Variants in CDH4 observed in about 807,000 individuals in gnomAD.
The protein encoded by CDH4 is cadherin 4.
A neutral mutation model predicts 86.0 loss-of-function variants in CDH4; 33 were observed. The observed-to-expected ratio is 0.38, with a 90% CI of 0.29 to 0.51. The LOEUF (loss-of-function observed/expected upper bound fraction) is 0.51. Ranked by LOEUF, CDH4 falls within the 20% of genes least tolerant of loss-of-function variation. The pLI, the probability that CDH4 is intolerant of heterozygous loss-of-function variation, is 0.86. For missense variants in CDH4, 1,114 were observed against 1,307.4 expected, an observed-to-expected ratio of 0.85 and a Z score of 2.28; for synonymous variants, 555 against 549.4, an observed-to-expected ratio of 1.01 and a Z score of -0.14.
Position 61,933,050 on chromosome 20 carries a change from C to A in CDH4, c.2305C>A (p.Leu769Ile). ...GAAGGAGCGCCACACGAAGCAGCTG[C>A]TCATTGACCCCGAGGACGACGTCCG... Reference protein sequence around the residue: ...REKERHTKQLLIDPEDDVRDN... With the variant: ...REKERHTKQLIIDPEDDVRDN... The change falls in exon 14 of 16, where the codon CTC becomes ATC. Residue 769 changes from leucine (L) to isoleucine (I), a missense_variant. Around this residue, in one of 3 missense-constraint regions of CDH4, gnomAD observed 705 missense variants for 914.1 expected, o/e 0.77. Coordinates refer to ENST00000614565, the MANE Select transcript of CDH4 (RefSeq NM_001794.5). The A allele has an allele frequency of 6.2e-7, 1 of 1,613,342 alleles. No individual in the cohort carries two copies. The highest frequency in any genetic ancestry group is 1.1e-5 in the South Asian group (1 of 91,086).
intron 2 of CDH4, among the ~76,000 whole-genome samples, chr20:61,668,701 C>T (rs2087353978): frequency 6.6e-6 from 1 of 152,232 alleles, no homozygotes; most frequent in Non-Finnish European, 1.5e-5. Flanking sequence ...GCTGTAGGAT[C>T]AAAGCCCAGG....
chr20:61,924,160 G>A (rs1274640229), intron 10 of CDH4, among the ~76,000 whole-genome samples, 174 bp from the exon 11 acceptor site: 2 of 152,206 alleles, frequency 1.3e-5, no homozygotes, highest in Admixed American at 6.5e-5. Flanking sequence ...GGGGGAGGGT[G>A]CCAGTCCAAC....
Position 61,480,867 on chromosome 20 carries a change from G to A in CDH4, c.169+225930G>A, listed in dbSNP as rs1265720544. ...ACTGCAGTTTGTTGGCTGTGCATTA[G>A]GTCTGCTCCTACATGCATTGCCCTC... On this transcript the variant is annotated intron_variant, in intron 2 of 15. Transcript: ENST00000614565. This position sits in a 1 kb window ranked among gnomAD's most constrained non-coding sequence, Gnocchi z 5.2. Among the ~76,000 whole-genome samples the A allele has an allele frequency of 1.3e-5, 2 of 152,216 alleles. No homozygotes were observed. Among genetic ancestry groups the A allele is most frequent in the Non-Finnish European group, 2.9e-5 (2 of 68,032 alleles).
chr20:61,692,820 CTTTTTTGTTTTTTG>C (rs1430125286), intron 2 of CDH4, among the ~76,000 whole-genome samples: 1 of 150,232 alleles, frequency 6.7e-6, no homozygotes, highest in Non-Finnish European at 1.5e-5. Context: ...AGCAAGCAAG[CTTTTTTGTTTTTTG>C]TTTTTTGTTT....
chr20:61,655,873 T>G (rs1303233377), intron 2 of CDH4, among the ~76,000 whole-genome samples: 1 of 152,204 alleles, frequency 6.6e-6, no homozygotes, highest in Non-Finnish European at 1.5e-5. Flanking sequence ...GTGAAGTGTG[T>G]GGCTAATAGA....
chr20:61,644,003 G>C (rs2427222), intron 2 of CDH4, among the ~76,000 whole-genome samples: 28,220 of 152,236 alleles, frequency 0.19, 2,687 homozygotes, highest in South Asian at 0.28. Flanking sequence ...GCTGAGGGTT[G>C]ACAGCCAGTG....
intron 2 of CDH4, among the ~76,000 whole-genome samples, chr20:61,394,216 C>T (rs992636213): frequency 2.6e-4 from 39 of 152,182 alleles, no homozygotes; most frequent in African/African-American, 7.9e-4. Context: ...CAGTCCCCAC[C>T]GATCTCAGAG....
At chr20:61,853,599 G>A (rs529670551) in intron 6 of CDH4, among the ~76,000 whole-genome samples, 2 of 152,296 alleles carry the variant, frequency 1.3e-5, no homozygotes, top group South Asian at 4.1e-4. Context: ...GCCAAGAAGT[G>A]GACGACCCCC....
intron 2 of CDH4, among the ~76,000 whole-genome samples, chr20:61,424,618 C>T (rs1450070096): frequency 6.6e-6 from 1 of 152,236 alleles, no homozygotes; most frequent in Non-Finnish European, 1.5e-5. Flanking sequence ...AGAGGCCACT[C>T]CTAGGCCAGG....
At chr20:61,881,931 C>T (rs1229153836) in intron 7 of CDH4, among the ~76,000 whole-genome samples, 1 of 152,182 alleles carries the variant, frequency 6.6e-6, no homozygotes, top group Non-Finnish European at 1.5e-5. Flanking sequence ...CTTACAGAGG[C>T]AGAGGGAGAC....
intron 3 of CDH4, among the ~76,000 whole-genome samples, chr20:61,757,236 C>G (rs1181276691): frequency 2.6e-5 from 4 of 151,854 alleles, no homozygotes; most frequent in African/African-American, 7.2e-5. Context: ...AACACAGACC[C>G]CCCCCCCAGC....
intron 4 of CDH4, among the ~76,000 whole-genome samples, chr20:61,832,873 T>A (rs1981692079): frequency 6.7e-6 from 1 of 148,558 alleles, no homozygotes; most frequent in South Asian, 2.2e-4. Context: ...TACGACCTCT[T>A]ATTTCTGTGC....
chr20:61,291,943 T>C (rs1248376388), intron 2 of CDH4, among the ~76,000 whole-genome samples: 5 of 152,222 alleles, frequency 3.3e-5, no homozygotes, highest in African/African-American at 1.2e-4. Flanking sequence ...TTTCTTTCTT[T>C]GTGTTCATCA....
rs116565231 is a variant in CDH4, at chr20:61,822,203, C to T, written c.577-22465C>T. On this transcript the variant is annotated intron_variant, in intron 4 of 15. Transcript: ENST00000614565. ...GAATTATGTGTTCATTACGTGAGTC[C>T]TGCATAAAAAACATCTCGATGCCTA... Among the ~76,000 whole-genome samples, 1,259 of 152,298 alleles carry T rather than the reference C, an allele frequency of 8.3e-3. 12 individuals are homozygous for T. Among genetic ancestry groups the T allele is most frequent in the African/African-American group, 0.029 (1,200 of 41,550 alleles).
At chr20:61,824,942 T>A (rs1981241038) in intron 4 of CDH4, among the ~76,000 whole-genome samples, 1 of 152,208 alleles carries the variant, frequency 6.6e-6, no homozygotes, top group South Asian at 2.1e-4. Context: ...AGATCGTCTT[T>A]CCAAACCTCA....
intron 2 of CDH4, among the ~76,000 whole-genome samples, chr20:61,275,056 G>A (rs371451723): frequency 2.4e-4 from 32 of 134,042 alleles, no homozygotes; most frequent in South Asian, 7.6e-4. Context: ...GGGGAGTACC[G>A]TGTGCAGTTT....
intron 7 of CDH4, among the ~76,000 whole-genome samples, chr20:61,883,175 C>T (rs920980155): frequency 5.9e-5 from 9 of 151,982 alleles, no homozygotes; most frequent in African/African-American, 2.2e-4. Context: ...CCGAGACCTC[C>T]ACAGCTCGAC....
At chr20:61,546,328 G>T (rs1173041868) in intron 2 of CDH4, among the ~76,000 whole-genome samples, 1 of 151,374 alleles carries the variant, frequency 6.6e-6, no homozygotes, top group Non-Finnish European at 1.5e-5. Flanking sequence ...AGGTGTGTGT[G>T]TGAGGTGTGT....
rs1409243915 is a variant in CDH4, at chr20:61,807,144, T to C, written c.576+33962T>C. Among the ~76,000 whole-genome samples, 2 of 152,314 alleles carry C rather than the reference T, an allele frequency of 1.3e-5. No homozygotes were observed. The highest frequency in any genetic ancestry group is 6.8e-3 in the Middle Eastern group (2 of 294). On this transcript the variant is annotated intron_variant, in intron 4 of 15. Coordinates refer to ENST00000614565, the MANE Select transcript of CDH4 (RefSeq NM_001794.5). The surrounding 1 kb of genome is among the most constrained non-coding windows in gnomAD (Gnocchi z 4.5). ...CGCCAGCCCCCAGCTGCAAGGCCAG[T>C]GGGGCAGGTGCCGGGAGGGCCTCGG...
Sources: gnomAD v4.1 joint callset for allele counts (sites outside exome capture counted in the v4.1 genomes callset) on GRCh38, gnomAD v4.1.1 for gene constraint, gnomAD v4.1.1 regional missense constraint, Gnocchi (gnomAD v3.1) non-coding constraint, MANE v1.5 for transcripts, NCBI Gene and HGNC (gene_info 2026-07-23, HGNC 2026-07-21) for gene names.